The following GALNT13 variants were observed in gnomAD, a reference collection of about 807,000 sequenced individuals.
The protein encoded by GALNT13 is UDP-GalNAc:polypeptide N-acetylgalactosaminyltransferase 13.
GALNT13 carries 28 observed loss-of-function variants against 64.2 expected under a neutral mutation model. The observed-to-expected ratio is 0.44, with a 90% CI of 0.32 to 0.60. GALNT13 has a LOEUF of 0.60. GALNT13 is among the 20% of genes least tolerant of loss of function. The probability of loss-of-function intolerance (pLI) is 0.05; values close to 1 mark genes in which losing one functional copy is unlikely to be tolerated. For synonymous variants in GALNT13, 214 were observed against 224.6 expected (o/e 0.95, Z 0.42); for missense variants, 577 against 669.8 (o/e 0.86, Z 1.53).
rs1357340641 is a variant in GALNT13 at position 154,408,971 on chromosome 2, G to A, written c.1297-13G>A. 2.6e-6 allele frequency: 4 copies of A among 1,538,836 alleles called. No homozygotes were observed. Among genetic ancestry groups the A allele is most frequent in the Non-Finnish European group, 3.6e-6 (4 of 1,114,226 alleles). On this transcript the variant is annotated splice_polypyrimidine_tract_variant and intron_variant, in intron 10 of 12. Coordinates refer to ENST00000392825, the MANE Select transcript of GALNT13 (RefSeq NM_052917.4). ...TTATGTTTTATCCCCCCCCTTTTGTGTGTTTCCTTTAGATAAGAAATGTTG... is the reference window on the plus strand; with the variant it reads ...TTATGTTTTATCCCCCCCCTTTTGTATGTTTCCTTTAGATAAGAAATGTTG...
the GALNT13 span, among the ~76,000 whole-genome samples, chr2:153,074,580 C>T: frequency 6.6e-6 from 1 of 152,102 alleles, no homozygotes; most frequent in East Asian, 1.9e-4. Flanking sequence ...AATTGCACTA[C>T]AATGTTACCA....
At chr2:153,467,147 G>A in the GALNT13 span, among the ~76,000 whole-genome samples, 1 of 151,966 alleles carries the variant, frequency 6.6e-6, no homozygotes, top group African/African-American at 2.4e-5. Flanking sequence ...TGATATATGT[G>A]AACATTAGAG....
At chr2:154,253,988 G>C (rs921529842) in intron 7 of GALNT13, among the ~76,000 whole-genome samples, 2 of 152,166 alleles carry the variant, frequency 1.3e-5, no homozygotes, top group African/African-American at 4.8e-5. Context: ...GATACACAGT[G>C]ATAAGGGCTT....
chr2:154,134,144 G>A (rs1682813485), intron 3 of GALNT13, among the ~76,000 whole-genome samples: 1 of 152,170 alleles, frequency 6.6e-6, no homozygotes. Flanking sequence ...ATGTTGCATA[G>A]CTATGTGTCC....
the GALNT13 span, among the ~76,000 whole-genome samples, chr2:153,752,810 T>C: frequency 6.6e-6 from 1 of 152,270 alleles, no homozygotes; most frequent in Admixed American, 6.5e-5. Flanking sequence ...AAGTTCTCTG[T>C]TATTATATAT....
chr2:153,815,022 T>A, the GALNT13 span, among the ~76,000 whole-genome samples: 1 of 152,210 alleles, frequency 6.6e-6, no homozygotes, highest in Non-Finnish European at 1.5e-5. Context: ...CCTAGTTCTA[T>A]GTGTAAGAGA....
intron 8 of GALNT13, among the ~76,000 whole-genome samples, chr2:154,296,566 C>T (rs573774682): frequency 2.0e-5 from 3 of 152,208 alleles, no homozygotes; most frequent in East Asian, 1.9e-4. Flanking sequence ...TATAACAAGT[C>T]GTGTCATTTC....
chr2:154,151,782 G>A (rs1023026961), intron 4 of GALNT13, among the ~76,000 whole-genome samples: 4 of 152,012 alleles, frequency 2.6e-5, no homozygotes, highest in Admixed American at 2.0e-4. Flanking sequence ...CCATTTGCTT[G>A]GTAGATCTTC....
chr2:154,388,937 TA>T (rs1352205789), intron 9 of GALNT13, among the ~76,000 whole-genome samples: 2 of 152,182 alleles, frequency 1.3e-5, no homozygotes, highest in African/African-American at 4.8e-5. Context: ...CTGTTAAAGG[TA>T]AAAAGGAGCT....
the GALNT13 span, among the ~76,000 whole-genome samples, chr2:153,814,264 C>A: frequency 6.6e-6 from 1 of 152,110 alleles, no homozygotes; most frequent in Non-Finnish European, 1.5e-5. Flanking sequence ...CATGGTGAAA[C>A]CCCGTCTCTA....
the GALNT13 span, among the ~76,000 whole-genome samples, chr2:153,095,781 A>G: frequency 6.6e-6 from 1 of 152,154 alleles, no homozygotes; most frequent in Admixed American, 6.5e-5. Context: ...GCAAACTATC[A>G]CAAGGACAGA....
chr2:153,928,364 A>T (rs1032532293), intron 2 of GALNT13, among the ~76,000 whole-genome samples: 1 of 152,180 alleles, frequency 6.6e-6, no homozygotes, highest in Non-Finnish European at 1.5e-5. Context: ...TAATGGTTGG[A>T]TGTCTCAGTG....
At chr2:153,398,750 G>A in the GALNT13 span, among the ~76,000 whole-genome samples, 45 of 145,146 alleles carry the variant, frequency 3.1e-4, no homozygotes, top group East Asian at 6.4e-3. Flanking sequence ...CATGTCCTTC[G>A]CCCACTTTTT....
At chr2:153,549,311 C>G in the GALNT13 span, among the ~76,000 whole-genome samples, 4 of 152,172 alleles carry the variant, frequency 2.6e-5, no homozygotes, top group African/African-American at 9.7e-5. Context: ...ACACAAAATA[C>G]TTGAGAACAG....
intron 2 of GALNT13, among the ~76,000 whole-genome samples, chr2:153,940,393 G>T (rs1041652751): frequency 2.0e-5 from 3 of 151,708 alleles, no homozygotes; most frequent in African/African-American, 7.3e-5. Flanking sequence ...GAGTAGTTGG[G>T]ATTACAGGAG....
the GALNT13 span, among the ~76,000 whole-genome samples, chr2:153,111,505 G>C: frequency 6.6e-6 from 1 of 152,010 alleles, no homozygotes; most frequent in East Asian, 1.9e-4. Context: ...AATTCGCCCA[G>C]TGTGAGAGGA....
chr2:154,300,099 C>CTCTT (rs1553511805), intron 8 of GALNT13, among the ~76,000 whole-genome samples: 1 of 117,044 alleles, frequency 8.5e-6, no homozygotes, highest in African/African-American at 3.2e-5. Flanking sequence ...TTCTTTCTCT[C>CTCTT]TTTTTTTTTT....
the GALNT13 span, among the ~76,000 whole-genome samples, chr2:153,092,769 C>T: frequency 6.6e-6 from 1 of 152,206 alleles, no homozygotes; most frequent in East Asian, 1.9e-4. Context: ...AAGATCATAT[C>T]ATCTGCAAAA....
rs13395138 is a variant in GALNT13 at position 154,150,860 on chromosome 2, G to T, written c.311+10355G>T. On this transcript the variant is annotated intron_variant, in intron 4 of 12. Transcript: ENST00000392825. The stretch of plus-strand genomic sequence containing the variant: ...TCTTGCTAGCGGTCTATCAATTTTG[G>T]TGATCCTTTCAAAAAACCAGCTCCT... 7.1e-3 allele frequency among the ~76,000 whole-genome samples: 1,078 copies of T among 151,928 alleles called. 7 individuals carry two copies. Among genetic ancestry groups the T allele is most frequent in the Middle Eastern group, 0.014 (4 of 294 alleles).
Sources: allele counts gnomAD v4.1 joint callset (sites outside exome capture counted in the v4.1 genomes callset), GRCh38; gene constraint gnomAD v4.1.1; transcripts MANE v1.5; gene names NCBI Gene and HGNC (gene_info 2026-07-23, HGNC 2026-07-21).